Variants in SPATA16 observed in about 807,000 individuals in gnomAD.
The protein encoded by SPATA16 is spermatogenesis associated 16.
A neutral mutation model predicts 63.3 loss-of-function variants in SPATA16; 36 were observed. The ratio of observed to expected loss-of-function variants is 0.57; its 90% CI spans 0.44 to 0.75. The LOEUF (loss-of-function observed/expected upper bound fraction) is 0.75. Among genes scored for constraint, SPATA16 ranks in the 30% least tolerant of loss-of-function variants. SPATA16 has a pLI of 0.00. For missense variants in SPATA16, 646 were observed against 679.3 expected (o/e 0.95, Z 0.54); for synonymous variants, 203 against 216.7 (o/e 0.94, Z 0.56).
intron 2 of SPATA16, among the ~76,000 whole-genome samples, chr3:173,094,680 T>C (rs1037500411): frequency 6.7e-6 from 1 of 149,892 alleles, no homozygotes; most frequent in African/African-American, 2.4e-5. Context: ...GGGAGTTGTT[T>C]TTTTTTTTTT....
chr3:172,985,962 A>C (rs1206604508), intron 4 of SPATA16, among the ~76,000 whole-genome samples: 1 of 152,226 alleles, frequency 6.6e-6, no homozygotes, highest in Non-Finnish European at 1.5e-5. Flanking sequence ...TTCTGGTTTA[A>C]AAATCTCAGC....
intron 1 of SPATA16, among the ~76,000 whole-genome samples, chr3:173,130,573 G>A (rs183110444): frequency 1.1e-3 from 171 of 152,068 alleles, no homozygotes; most frequent in African/African-American, 4.0e-3. Flanking sequence ...TGATTTGCCC[G>A]AGGATAAACA....
intron 1 of SPATA16, among the ~76,000 whole-genome samples, chr3:173,126,250 C>G (rs1303409794): frequency 6.6e-6 from 1 of 152,156 alleles, no homozygotes; most frequent in East Asian, 1.9e-4. Flanking sequence ...AACTTGCTAT[C>G]CTTATAAGTG....
At chr3:173,125,033 A>C (rs1738190858) in intron 1 of SPATA16, among the ~76,000 whole-genome samples, 1 of 152,172 alleles carries the variant, frequency 6.6e-6, no homozygotes, top group Non-Finnish European at 1.5e-5. Flanking sequence ...ATACATCTTA[A>C]ATTATCTAAT....
chr3:172,934,955 A>G (rs1477807883), intron 6 of SPATA16, among the ~76,000 whole-genome samples: 3 of 152,120 alleles, frequency 2.0e-5, no homozygotes, highest in South Asian at 4.1e-4. Flanking sequence ...TTTGACCACT[A>G]TTATTATTAT....
Position 173,026,873 on chromosome 3 carries a change from CT to C in SPATA16, c.759-7299del, listed in dbSNP as rs571036215. On this transcript the variant is annotated intron_variant, in intron 3 of 10. Coordinates refer to ENST00000351008, the MANE Select transcript of SPATA16 (RefSeq NM_031955.6). ...TAGTTTAAGTCCTCCCAACTTTGTTCTTTTTTTTCCCCTCTAACATTGTTTG... is the reference window on the plus strand; with the variant it reads ...TAGTTTAAGTCCTCCCAACTTTGTTCTTTTTTTCCCCTCTAACATTGTTTG... 8.6e-5 allele frequency among the ~76,000 whole-genome samples: 13 copies of C among 151,674 alleles called. No homozygotes were observed. The East Asian group carries it at 1.9e-3, about 23-fold the overall frequency.
chr3:173,056,705 C>CAAAAAAAAAAAAAAAA lies in SPATA16; in HGVS notation c.613-7627_613-7612dup, dbSNP rs71162325. 8.0e-4 allele frequency among the ~76,000 whole-genome samples: 59 copies of CAAAAAAAAAAAAAAAA among 73,600 alleles called. 1 individual carries two copies. Among genetic ancestry groups the CAAAAAAAAAAAAAAAA allele is most frequent in the African/African-American group, 3.0e-3 (53 of 17,794 alleles). The allele number at this position is 73,600 out of a possible 152,430, so 48.3% of individuals were successfully genotyped here. A position where few individuals can be genotyped will look rare whatever the true frequency, so the allele number is the denominator to read the frequency against. On this transcript the variant is annotated intron_variant, in intron 2 of 10. Coordinates refer to ENST00000351008, the MANE Select transcript of SPATA16 (RefSeq NM_031955.6). Reference sequence around the variant, plus strand: ...GAGCAACAGAGTGAGACTCTTGTTTCAAAAAAAAAAAAAAAAAAAAAAAAG... The same window carrying CAAAAAAAAAAAAAAAA: ...GAGCAACAGAGTGAGACTCTTGTTTCAAAAAAAAAAAAAAAAAAAAAAAAAAAAAAAAAAAAAAAAG...
chr3:172,892,059 T>C (rs778230091), intron 10 of SPATA16, among the ~76,000 whole-genome samples: 3 of 152,092 alleles, frequency 2.0e-5, no homozygotes, highest in Non-Finnish European at 4.4e-5. Flanking sequence ...ACTTGAAGAG[T>C]TTCACAAAAC....
chr3:173,137,356 T>C (rs1463290879), intron 1 of SPATA16, among the ~76,000 whole-genome samples: 2 of 152,058 alleles, frequency 1.3e-5, no homozygotes, highest in Admixed American at 1.3e-4. Context: ...ATTAGGGTGG[T>C]AGAAGGATAG....
intron 4 of SPATA16, among the ~76,000 whole-genome samples, chr3:172,979,074 A>G (rs1388155445): frequency 2.6e-5 from 4 of 151,728 alleles, no homozygotes; most frequent in Non-Finnish European, 1.5e-5. Flanking sequence ...CATCTCTACT[A>G]AAAATACAAA....
At chr3:173,106,026 C>T (rs1050957046) in intron 2 of SPATA16, among the ~76,000 whole-genome samples, 1 of 152,098 alleles carries the variant, frequency 6.6e-6, no homozygotes, top group African/African-American at 2.4e-5. Context: ...ATGCTGATTG[C>T]AATCCATTAA....
intron 10 of SPATA16, among the ~76,000 whole-genome samples, chr3:172,889,902 G>A (rs1560057794): frequency 6.6e-6 from 1 of 152,178 alleles, no homozygotes; most frequent in African/African-American, 2.4e-5. Context: ...AAGCAGAAGT[G>A]CAGGAGTTTG....
chr3:173,070,269 C>G (rs113275281), intron 2 of SPATA16, among the ~76,000 whole-genome samples: 1 of 151,934 alleles, frequency 6.6e-6, no homozygotes, highest in Non-Finnish European at 1.5e-5. Flanking sequence ...GTGGCTCACA[C>G]CTGTAATCCC....
At chr3:173,090,740 G>C (rs1737201091) in intron 2 of SPATA16, among the ~76,000 whole-genome samples, 1 of 152,132 alleles carries the variant, frequency 6.6e-6, no homozygotes, top group African/African-American at 2.4e-5. Flanking sequence ...GTGCTTCTTT[G>C]CCAGTATATT....
intron 10 of SPATA16, among the ~76,000 whole-genome samples, chr3:172,890,066 T>C (rs1006782202): frequency 2.0e-5 from 3 of 152,104 alleles, no homozygotes; most frequent in Non-Finnish European, 4.4e-5. Flanking sequence ...TTATCAACAA[T>C]AAGAGTGAAA....
chr3:173,065,181 C>T (rs1395418597), intron 2 of SPATA16, among the ~76,000 whole-genome samples: 1 of 152,034 alleles, frequency 6.6e-6, no homozygotes, highest in African/African-American at 2.4e-5. Context: ...ATGCATATTG[C>T]AGATATTTAA....
rs891895998 is a variant in SPATA16 at position 173,120,032 on chromosome 3, C to T, written c.-18-2283G>A. ...AACCCGGGAGGCAGAGGTTGCAGTG[C>T]GCCAAGATCGTGTCATTGCACTCCA... On this transcript the variant is annotated intron_variant, in intron 1 of 10. Coordinates refer to ENST00000351008, the MANE Select transcript of SPATA16 (RefSeq NM_031955.6). Among the ~76,000 whole-genome samples the T allele has an allele frequency of 8.6e-5, 13 of 150,964 alleles. No individual in the cohort carries two copies. The South Asian group carries it at 1.0e-3, about 12-fold the overall frequency.
chr3:173,091,668 T>A (rs1324184993), intron 2 of SPATA16, among the ~76,000 whole-genome samples: 1 of 152,060 alleles, frequency 6.6e-6, no homozygotes, highest in Non-Finnish European at 1.5e-5. Context: ...TTAAATGAAA[T>A]GTATTAATAA....
chr3:173,067,660 G>T (rs1026624903), intron 2 of SPATA16, among the ~76,000 whole-genome samples: 16 of 152,160 alleles, frequency 1.1e-4, no homozygotes, highest in Non-Finnish European at 1.5e-4. Flanking sequence ...TACTGGCCTT[G>T]AAGAAGATGT....
Sources: allele counts gnomAD v4.1 joint callset (sites outside exome capture counted in the v4.1 genomes callset), GRCh38; gene constraint gnomAD v4.1.1; transcripts MANE v1.5; gene names NCBI Gene and HGNC (gene_info 2026-07-23, HGNC 2026-07-21).